ANKRD33B: variants seen among roughly 807,000 people sequenced by gnomAD.
ANKRD33B encodes ankyrin repeat domain-containing protein 33B.
A neutral mutation model predicts 21.5 loss-of-function variants in ANKRD33B; 6 were observed. The observed-to-expected ratio is 0.28, with a 90% confidence interval of 0.15 to 0.55. ANKRD33B has a LOEUF of 0.55. ANKRD33B is among the 20% of genes least tolerant of loss of function. The probability of loss-of-function intolerance (pLI) is 0.94; values close to 1 mark genes in which losing one functional copy is unlikely to be tolerated. For missense variants in ANKRD33B, 698 were observed against 747.2 expected, an observed-to-expected ratio of 0.93 and a Z score of 0.77; for synonymous variants, 347 against 342.4, an observed-to-expected ratio of 1.01 and a Z score of -0.15.
In ANKRD33B at chr5:10,615,072, G is replaced by A. The variant is rs1191319600; in HGVS notation, c.367-3261G>A. On this transcript the variant is annotated intron_variant, in intron 1 of 3. Transcript: ENST00000296657. The stretch of plus-strand genomic sequence containing the variant: ...CCTTCACTGGTTGAGGTGAGAAGGA[G>A]GGAAGAGTAGGGTGGTCCTGAAAGA... Among the ~76,000 whole-genome samples, 3 of 152,240 alleles carry A rather than the reference G, an allele frequency of 2.0e-5. No homozygotes were observed. The East Asian group carries it at 5.8e-4, about 29-fold the overall frequency.
At position 10,650,150 on chromosome 5, in the gene ANKRD33B, C is replaced by T. The variant is rs1560990570; in HGVS notation, c.*37C>T. 1 of 1,443,076 alleles carries T rather than the reference C, an allele frequency of 6.9e-7. No individual in the cohort carries two copies. Among genetic ancestry groups the T allele is most frequent in the Non-Finnish European group, 9.1e-7 (1 of 1,103,170 alleles). 89.4% of individuals were successfully genotyped at this position (1,443,076 alleles called of 1,614,324 possible). On this transcript the variant is annotated 3_prime_UTR_variant, in exon 4 of 4. Transcript: ENST00000296657. Reference sequence around the variant, plus strand: ...CCTGGCGCTGGGGCCGGGGCTGGGGCCGGGGCGGGGCCGCAGGGCTGGGCG... The same window carrying T: ...CCTGGCGCTGGGGCCGGGGCTGGGGTCGGGGCGGGGCCGCAGGGCTGGGCG...
At chr5:10,591,357 T>G (rs1033863024) in intron 1 of ANKRD33B, among the ~76,000 whole-genome samples, 3 of 152,100 alleles carry the variant, frequency 2.0e-5, no homozygotes, top group African/African-American at 4.8e-5. Flanking sequence ...CATGCCTGGC[T>G]AATTTTTTTT....
At chr5:10,632,887 A>G (rs1736759804) in intron 2 of ANKRD33B, among the ~76,000 whole-genome samples, 1 of 152,250 alleles carries the variant, frequency 6.6e-6, no homozygotes, top group East Asian at 1.9e-4. Context: ...TCCTGGTTTC[A>G]AGTGATTCTC....
chr5:10,626,142 G>T (rs1429283641), intron 2 of ANKRD33B, among the ~76,000 whole-genome samples: 1 of 152,222 alleles, frequency 6.6e-6, no homozygotes, highest in Non-Finnish European at 1.5e-5. Context: ...CAGATGTCCC[G>T]CTCCTTCCAC....
In ANKRD33B at chr5:10,635,954, C is replaced by T. The variant is rs561873955; in HGVS notation, c.497-2074C>T. Among the ~76,000 whole-genome samples the T allele has an allele frequency of 2.0e-5, 3 of 152,360 alleles. No individual in the cohort carries two copies. In the East Asian group the frequency reaches 5.8e-4, roughly 29 times the overall value. ...CGGGGAATCCTGGAGGCTGCTGCAG[C>T]GTCATGCTCACGTAGTATTCTGTCT... On this transcript the variant is annotated intron_variant, in intron 2 of 3. Coordinates refer to ENST00000296657, the MANE Select transcript of ANKRD33B (RefSeq NM_001164440.2).
At chr5:10,581,537 C>G (rs1438345615) in intron 1 of ANKRD33B, among the ~76,000 whole-genome samples, 1 of 152,190 alleles carries the variant, frequency 6.6e-6, no homozygotes, top group African/African-American at 2.4e-5. Flanking sequence ...TCCTTTGTTC[C>G]ATGAGGCACT....
chr5:10,616,564 CAAA>C (rs56895208), intron 1 of ANKRD33B, among the ~76,000 whole-genome samples: 1 of 117,578 alleles, frequency 8.5e-6, no homozygotes, highest in Non-Finnish European at 1.7e-5. Flanking sequence ...AACTCTGTCT[CAAA>C]AAAAAAAAAA....
chr5:10,611,329 T>G, intron 1 of ANKRD33B, among the ~76,000 whole-genome samples: 1 of 152,196 alleles, frequency 6.6e-6, no homozygotes, highest in East Asian at 1.9e-4. Flanking sequence ...TTTCTCTATA[T>G]TTGGACTTTT....
chr5:10,655,635 CTG>C lies in ANKRD33B; in HGVS notation c.*5526_*5527del, dbSNP rs1249288197. On this transcript the variant is annotated 3_prime_UTR_variant, in exon 4 of 4. Transcript: ENST00000296657. ...CTGCGGTGGTCAGAGTCCCCCTGTG[CTG>C]TGTCAGCTCCTGGACACTACTAGTC... 6.6e-6 allele frequency: 1 copy of C among 152,352 alleles called. No homozygotes were observed. The highest frequency in any genetic ancestry group is 1.5e-5 in the Non-Finnish European group (1 of 68,034). The allele number at this position is 152,352 out of a possible 1,614,324, so 9.4% of individuals were successfully genotyped here.
Position 10,638,155 on chromosome 5 carries a change from C to G in ANKRD33B, c.624C>G (p.Ala208=). 1 of 1,537,382 alleles carries G rather than the reference C, an allele frequency of 6.5e-7. No homozygotes were observed. Among genetic ancestry groups the G allele is most frequent in the Non-Finnish European group, 8.7e-7 (1 of 1,146,920 alleles). The change falls in exon 3 of 4, where the codon GCC becomes GCG. Residue 208 remains alanine, a synonymous_variant. Transcript: ENST00000296657. ...AGGGTCGAACGGACTGCATCCGAGC[C>G]CTGATGCTAGCAGGTATGTCCACCT... is the stretch of plus-strand genomic sequence containing the variant. ...AMQGRTDCIR[A]LMLAGADVHA... is the part of the protein sequence containing the mutation.
chr5:10,610,541 C>T (rs529941416), intron 1 of ANKRD33B, among the ~76,000 whole-genome samples: 5 of 152,200 alleles, frequency 3.3e-5, no homozygotes, highest in African/African-American at 4.8e-5. Context: ...TTTCAGTGCT[C>T]TCTGTATTTG....
At position 10,648,853 on chromosome 5, in the gene ANKRD33B, G is replaced by A. The variant is rs934306894; in HGVS notation, c.638-413G>A. On this transcript the variant is annotated intron_variant, in intron 3 of 3. Transcript: ENST00000296657. Reference sequence around the variant, plus strand: ...GAGCACTTAAAAGGCAGGTTGGGCTGGGCACGGTGGCTCACGCCCGTAATC... The same window carrying A: ...GAGCACTTAAAAGGCAGGTTGGGCTAGGCACGGTGGCTCACGCCCGTAATC... 6.7e-5 allele frequency among the ~76,000 whole-genome samples: 10 copies of A among 148,518 alleles called. No homozygotes were observed. The East Asian group carries it at 8.2e-4, about 12-fold the overall frequency.
At chr5:10,584,261 G>A (rs1347239580) in intron 1 of ANKRD33B, among the ~76,000 whole-genome samples, 1 of 152,180 alleles carries the variant, frequency 6.6e-6, no homozygotes, top group African/African-American at 2.4e-5. Flanking sequence ...AAAAAGAACT[G>A]TCAGCTGGGG....
chr5:10,584,582 A>G (rs1452522599), intron 1 of ANKRD33B, among the ~76,000 whole-genome samples: 1 of 152,156 alleles, frequency 6.6e-6, no homozygotes, highest in Non-Finnish European at 1.5e-5. Flanking sequence ...TCACAAAACA[A>G]TTTGCATTAA....
chr5:10,629,127 TG>T lies in ANKRD33B; in HGVS notation c.497-8897del, dbSNP rs1171565849. On this transcript the variant is annotated intron_variant, in intron 2 of 3. Coordinates refer to ENST00000296657, the MANE Select transcript of ANKRD33B (RefSeq NM_001164440.2). ...CCCATGGAGAGTTTCGGATGAGTAG[TG>T]GGGATGGTCAGAGGCCCCTGTTGGT... Among the ~76,000 whole-genome samples the T allele has an allele frequency of 1.1e-4, 16 of 152,124 alleles. No individual in the cohort carries two copies. In the South Asian group the frequency reaches 1.2e-3, roughly 12 times the overall value.
chr5:10,638,870 C>T (rs1440337595), intron 3 of ANKRD33B, among the ~76,000 whole-genome samples: 2 of 152,092 alleles, frequency 1.3e-5, no homozygotes, highest in Non-Finnish European at 1.5e-5. Context: ...TGTGGAGTTG[C>T]ATGGTAATGT....
intron 1 of ANKRD33B, among the ~76,000 whole-genome samples, chr5:10,565,320 T>C (rs569280008): frequency 6.1e-4 from 93 of 152,328 alleles, no homozygotes; most frequent in Admixed American, 1.4e-3. Context: ...CCTAACACGC[T>C]GGGGCGCAGA....
intron 1 of ANKRD33B, among the ~76,000 whole-genome samples, chr5:10,582,511 T>C (rs1051262238): frequency 3.3e-5 from 5 of 152,242 alleles, no homozygotes; most frequent in African/African-American, 4.8e-5. Context: ...CTTCTAGATT[T>C]ATCTTCATGT....
At chr5:10,581,304 A>C (rs1346938340) in intron 1 of ANKRD33B, among the ~76,000 whole-genome samples, 1 of 152,236 alleles carries the variant, frequency 6.6e-6, no homozygotes, top group Admixed American at 6.5e-5. Flanking sequence ...GCCAGGGCAG[A>C]GTCTCAGATT....
Sources: allele counts gnomAD v4.1 joint callset (sites outside exome capture counted in the v4.1 genomes callset), GRCh38; gene constraint gnomAD v4.1.1; transcripts MANE v1.5; gene names NCBI Gene and HGNC (gene_info 2026-07-23, HGNC 2026-07-21).